The following TEAD1 variants were observed in gnomAD, a reference collection of about 807,000 sequenced individuals.
The protein encoded by TEAD1 is TEA domain transcription factor 1.
A neutral mutation model predicts 54.9 loss-of-function variants in TEAD1; 9 were observed. The ratio of observed to expected loss-of-function variants is 0.16; its 90% CI spans 0.10 to 0.29. TEAD1 has a LOEUF of 0.29. Ranked by LOEUF, TEAD1 falls within the 10% of genes least tolerant of loss-of-function variation. The pLI, the probability that TEAD1 is intolerant of heterozygous loss-of-function variation, is 1.00. For missense variants in TEAD1, 387 were observed against 535.9 expected, an observed-to-expected ratio of 0.72 and a Z score of 2.74; for synonymous variants, 200 against 187.8, an observed-to-expected ratio of 1.07 and a Z score of -0.53.
At chr11:12,740,834 C>A (rs916404986) in intron 2 of TEAD1, among the ~76,000 whole-genome samples, 1 of 152,098 alleles carries the variant, frequency 6.6e-6, no homozygotes, top group African/African-American at 2.4e-5. Flanking sequence ...CAAACCATAT[C>A]AGTTGGCGGT....
chr11:12,757,860 A>G (rs997942965), intron 2 of TEAD1, among the ~76,000 whole-genome samples: 1 of 152,068 alleles, frequency 6.6e-6, no homozygotes, highest in Admixed American at 6.6e-5. Context: ...GCTCACTGCT[A>G]TCTCTGCCTC....
intron 3 of TEAD1, among the ~76,000 whole-genome samples, chr11:12,819,301 T>C (rs1186103852): frequency 1.3e-5 from 2 of 151,308 alleles, no homozygotes; most frequent in African/African-American, 4.9e-5. Flanking sequence ...TTTTTACACT[T>C]TGCTGTCTGA....
intron 9 of TEAD1, among the ~76,000 whole-genome samples, chr11:12,884,974 T>C (rs552437954): frequency 2.6e-5 from 4 of 152,312 alleles, no homozygotes; most frequent in African/African-American, 9.6e-5. Context: ...AACTGGTGTT[T>C]CCATGACACT....
At chr11:12,820,099 C>T (rs1045561503) in intron 3 of TEAD1, among the ~76,000 whole-genome samples, 6 of 152,062 alleles carry the variant, frequency 3.9e-5, no homozygotes, top group Non-Finnish European at 7.3e-5. Flanking sequence ...CACTGTGTGC[C>T]ATACTGTGGA....
chr11:12,828,465 G>A (rs1041792060), intron 3 of TEAD1: 4 of 152,142 alleles, frequency 2.6e-5, no homozygotes, highest in Non-Finnish European at 5.9e-5. Context: ...TGTTGAGGGC[G>A]ACCCGGGCAG....
At chr11:12,734,250 GA>G (rs932177874) in intron 2 of TEAD1, among the ~76,000 whole-genome samples, 1 of 151,562 alleles carries the variant, frequency 6.6e-6, no homozygotes, top group African/African-American at 2.4e-5. Flanking sequence ...AATAAGAAAA[GA>G]AAAAAAATTT....
At chr11:12,883,879 C>T (rs1214511873) in intron 9 of TEAD1, among the ~76,000 whole-genome samples, 1 of 151,974 alleles carries the variant, frequency 6.6e-6, no homozygotes, top group Admixed American at 6.6e-5. Flanking sequence ...CATGTAGTCC[C>T]AGCTACTCAG....
chr11:12,912,698 G>A (rs1388025254), intron 10 of TEAD1, among the ~76,000 whole-genome samples: 7 of 152,106 alleles, frequency 4.6e-5, no homozygotes, highest in Non-Finnish European at 1.0e-4. Flanking sequence ...GAGCACAAGA[G>A]CTTACATTGC....
intron 5 of TEAD1, among the ~76,000 whole-genome samples, chr11:12,878,198 A>C (rs953153340): frequency 3.3e-5 from 5 of 152,230 alleles, no homozygotes; most frequent in African/African-American, 9.6e-5. Context: ...GTTATAGGGC[A>C]AAGTAGTATC....
chr11:12,760,124 T>G lies in TEAD1; in HGVS notation c.-54-4055T>G, dbSNP rs1330288911. Among the ~76,000 whole-genome samples the G allele has an allele frequency of 3.3e-5, 5 of 152,188 alleles. No homozygotes were observed. In the East Asian group the frequency reaches 7.7e-4, roughly 23 times the overall value. ...CCCAAAGTAAACCATTAGAGGAAGC[T>G]CTCTCATTTCTTCACCATCCATCAG... On this transcript the variant is annotated intron_variant, in intron 2 of 12. Transcript: ENST00000527636.
chr11:12,925,889 C>T (rs1337200163), intron 11 of TEAD1, among the ~76,000 whole-genome samples: 4 of 152,234 alleles, frequency 2.6e-5, no homozygotes, highest in Non-Finnish European at 5.9e-5. Flanking sequence ...GCCATTTCCA[C>T]TGCCTTCGCT....
At chr11:12,720,120 A>C (rs1944161844) in intron 2 of TEAD1, among the ~76,000 whole-genome samples, 1 of 151,664 alleles carries the variant, frequency 6.6e-6, no homozygotes, top group Admixed American at 6.6e-5. Context: ...TGCTCTGCTA[A>C]TTAAGTCAGG....
chr11:12,799,952 C>CT (rs1204476170), intron 3 of TEAD1, among the ~76,000 whole-genome samples: 2 of 152,100 alleles, frequency 1.3e-5, no homozygotes, highest in African/African-American at 4.8e-5. Flanking sequence ...ACAAGAAATA[C>CT]TTTTTTCTGT....
rs572994445 is a variant in TEAD1 at position 12,902,082 on chromosome 11, C to T, written c.842C>T (p.Pro281Leu). Residue 281 changes from proline to leucine, a missense_variant, in exon 10 of 13, where the codon CCT becomes CTT. By Grantham distance (98) the Pro-to-Leu change is moderately conservative (BLOSUM62 -3). Around this residue, in one of 5 missense-constraint regions of TEAD1, gnomAD observed 123 missense variants for 199.0 expected, o/e 0.62. Transcript: ENST00000527636. ...TTAAAGGAACTGTTTGGAAAGGGCC[C>T]TCAAAATGCCTTCTTCCTCGTAAAA... 1.2e-6 allele frequency: 2 copies of T among 1,614,224 alleles called. No individual in the cohort carries two copies. Among genetic ancestry groups the T allele is most frequent in the East Asian group, 4.5e-5 (2 of 44,886 alleles).
chr11:12,826,912 ATTC>A (rs1256537534), intron 3 of TEAD1, among the ~76,000 whole-genome samples: 2 of 152,138 alleles, frequency 1.3e-5, no homozygotes, highest in Non-Finnish European at 2.9e-5. Context: ...TTGGCAGCAA[ATTC>A]TTCTTGTCAC....
At chr11:12,769,213 T>C (rs1294823513) in intron 3 of TEAD1, among the ~76,000 whole-genome samples, 1 of 152,048 alleles carries the variant, frequency 6.6e-6, no homozygotes, top group Non-Finnish European at 1.5e-5. Context: ...ACCTGAATTG[T>C]GAGGACCAGC....
chr11:12,803,037 C>T (rs916889276), intron 3 of TEAD1, among the ~76,000 whole-genome samples: 12 of 151,986 alleles, frequency 7.9e-5, no homozygotes, highest in African/African-American at 2.7e-4. Flanking sequence ...TCTCTCTACC[C>T]AGCCCAACCC....
chr11:12,851,488 G>A (rs2165283), intron 3 of TEAD1, among the ~76,000 whole-genome samples: 105,814 of 152,104 alleles, frequency 0.7, 37,189 homozygotes, highest in East Asian at 0.77. Flanking sequence ...AATATATGCA[G>A]TAAAATTTAT....
chr11:12,915,396 C>A (rs572569296), intron 10 of TEAD1, among the ~76,000 whole-genome samples: 44 of 152,296 alleles, frequency 2.9e-4, no homozygotes, highest in African/African-American at 9.9e-4. Flanking sequence ...TCCACTCTGT[C>A]CCCTGGCCTA....
Sources: gnomAD v4.1 joint callset for allele counts (sites outside exome capture counted in the v4.1 genomes callset) on GRCh38, gnomAD v4.1.1 for gene constraint, gnomAD v4.1.1 regional missense constraint, MANE v1.5 for transcripts, NCBI Gene and HGNC (gene_info 2026-07-23, HGNC 2026-07-21) for gene names.